PNLIPRP3: variants seen among roughly 807,000 people sequenced by gnomAD.
The protein encoded by PNLIPRP3 is pancreatic lipase related protein 3, also known as pancreatic lipase-related protein 3.
PNLIPRP3 carries 58 observed loss-of-function variants against 52.8 expected under a neutral mutation model. The observed-to-expected ratio is 1.10, with a 90% CI of 0.89 to 1.37. PNLIPRP3 has a LOEUF of 1.37. Ranked by LOEUF, PNLIPRP3 falls within the 40% of genes most tolerant of loss-of-function variation. PNLIPRP3 has a pLI of 0.00. For missense variants in PNLIPRP3, 593 were observed against 561.6 expected (o/e 1.06, Z -0.57); for synonymous variants, 192 against 185.0 (o/e 1.04, Z -0.31).
rs1589972107 is a variant in PNLIPRP3, at chr10:116,427,939, T to C, written c.-74T>C. ...CATCATTGTGAGGAAAACCACTTAGTATTTTATAGTGAGGTGACTTTACAA... is the reference window on the plus strand; with the variant it reads ...CATCATTGTGAGGAAAACCACTTAGCATTTTATAGTGAGGTGACTTTACAA... On this transcript the variant is annotated 5_prime_UTR_variant, in exon 1 of 12. Transcript: ENST00000369230. 2 of 1,127,478 alleles carry C rather than the reference T, an allele frequency of 1.8e-6. No homozygotes were observed. Among genetic ancestry groups the C allele is most frequent in the East Asian group, 4.7e-5 (2 of 42,246 alleles). The allele number at this position is 1,127,478 out of a possible 1,614,324, so 69.8% of individuals were successfully genotyped here.
chr10:116,446,538 A>C (rs559304160), intron 4 of PNLIPRP3, among the ~76,000 whole-genome samples: 8 of 152,172 alleles, frequency 5.3e-5, no homozygotes, highest in Non-Finnish European at 1.0e-4. Context: ...AAATGTATGC[A>C]AGTATAAATC....
rs146367454 is a variant in PNLIPRP3, at chr10:116,458,995, C to A, written c.566-1971C>A. 3.2e-3 allele frequency among the ~76,000 whole-genome samples: 493 copies of A among 152,212 alleles called. 2 individuals carry two copies. The highest frequency in any genetic ancestry group is 0.011 in the African/African-American group (466 of 41,536). The stretch of plus-strand genomic sequence containing the variant: ...ATCACTAGTGGCTTTTTGTGGAACT[C>A]TATCAGACATTTTGACTCTGTGTTT... On this transcript the variant is annotated intron_variant, in intron 5 of 11. Coordinates refer to ENST00000369230, the MANE Select transcript of PNLIPRP3 (RefSeq NM_001011709.3).
rs192441713 is a variant in PNLIPRP3, at chr10:116,442,633, G to C, written c.205-422G>C. Among the ~76,000 whole-genome samples the C allele has an allele frequency of 8.5e-3, 1,298 of 152,232 alleles. 26 individuals are homozygous for C. Among genetic ancestry groups the C allele is most frequent in the African/African-American group, 0.03 (1,243 of 41,532 alleles). On this transcript the variant is annotated intron_variant, in intron 2 of 11. Coordinates refer to ENST00000369230, the MANE Select transcript of PNLIPRP3 (RefSeq NM_001011709.3). Reference sequence around the variant, plus strand: ...AATCCCAGCAACTTGGGAGGCTGAGGTAGGAAGATCACTTGAGGCCAGGAG... The same window carrying C: ...AATCCCAGCAACTTGGGAGGCTGAGCTAGGAAGATCACTTGAGGCCAGGAG...
At chr10:116,452,760 G>A (rs1407929190) in intron 4 of PNLIPRP3, among the ~76,000 whole-genome samples, 1 of 152,248 alleles carries the variant, frequency 6.6e-6, no homozygotes, top group South Asian at 2.1e-4. Context: ...CAGAGTGCAA[G>A]TGTGAAGGAA....
intron 4 of PNLIPRP3, among the ~76,000 whole-genome samples, chr10:116,451,625 G>A (rs1846038911): frequency 6.6e-6 from 1 of 152,034 alleles, no homozygotes; most frequent in African/African-American, 2.4e-5. Context: ...AAAAGAGCAT[G>A]GTACCTCCCC....
intron 1 of PNLIPRP3, among the ~76,000 whole-genome samples, chr10:116,434,909 G>A (rs895505815): frequency 2.0e-5 from 3 of 151,962 alleles, no homozygotes; most frequent in Non-Finnish European, 4.4e-5. Context: ...ATTCTTCCAG[G>A]AAGAGAAAAA....
At chr10:116,465,579 C>A (rs183748356) in intron 7 of PNLIPRP3, among the ~76,000 whole-genome samples, 1 of 151,946 alleles carries the variant, frequency 6.6e-6, no homozygotes, top group Non-Finnish European at 1.5e-5. Flanking sequence ...AAACCTTGTT[C>A]AGAAAGAACC....
intron 3 of PNLIPRP3, 29 bp downstream of exon 3, chr10:116,443,203 C>T: frequency 1.3e-6 from 2 of 1,589,976 alleles, no homozygotes. Context: ...CCTTTTTACA[C>T]TAGCATGCGA....
chr10:116,439,995 G>A (rs1248427964), intron 2 of PNLIPRP3: 9 of 780,226 alleles, frequency 1.2e-5, no homozygotes, highest in Non-Finnish European at 2.1e-5. Flanking sequence ...GCACGAAGAA[G>A]GCATAAGCAG....
intron 4 of PNLIPRP3, among the ~76,000 whole-genome samples, chr10:116,445,564 A>AAT (rs1845937514): frequency 1.3e-5 from 2 of 151,758 alleles, no homozygotes; most frequent in Non-Finnish European, 2.9e-5. Context: ...TTTATAAAAA[A>AAT]AAAAAGCCAG....
Position 116,474,783 on chromosome 10 carries a change from TA to T in PNLIPRP3, c.1173-1865del, listed in dbSNP as rs553042822. Among the ~76,000 whole-genome samples, 16 of 152,250 alleles carry T rather than the reference TA, an allele frequency of 1.1e-4. No individual in the cohort carries two copies. In the South Asian group the frequency reaches 3.3e-3, roughly 32 times the overall value. On this transcript the variant is annotated intron_variant, in intron 10 of 11. Transcript: ENST00000369230. ...TCACACCAGTCAGAATGGCTATTATTAAAAGTCAAAAAATAACATGCTGGTG... is the reference window on the plus strand; with the variant it reads ...TCACACCAGTCAGAATGGCTATTATTAAAGTCAAAAAATAACATGCTGGTG...
chr10:116,467,083 T>C (rs1483073947), intron 8 of PNLIPRP3, among the ~76,000 whole-genome samples: 2 of 152,194 alleles, frequency 1.3e-5, no homozygotes, highest in East Asian at 3.9e-4. Flanking sequence ...TTGGAGTCTT[T>C]GTATATTTGG....
At chr10:116,428,834 T>C (rs1471839304) in intron 1 of PNLIPRP3, among the ~76,000 whole-genome samples, 8 of 152,174 alleles carry the variant, frequency 5.3e-5, no homozygotes. Context: ...TATCACGTAG[T>C]TGGTTGAGAT....
intron 2 of PNLIPRP3, among the ~76,000 whole-genome samples, chr10:116,442,769 C>T (rs879258087): frequency 9.2e-5 from 14 of 152,016 alleles, no homozygotes; most frequent in South Asian, 2.1e-4. Context: ...GAGGCTGAGG[C>T]GGCCAGATGG....
chr10:116,435,522 A>T (rs914195342), intron 1 of PNLIPRP3, among the ~76,000 whole-genome samples: 4 of 151,954 alleles, frequency 2.6e-5, no homozygotes, highest in African/African-American at 9.7e-5. Flanking sequence ...GACAAAGTGA[A>T]GAGTGGGATG....
chr10:116,442,164 C>A (rs1188194608), intron 2 of PNLIPRP3, among the ~76,000 whole-genome samples: 1 of 152,126 alleles, frequency 6.6e-6, no homozygotes, highest in East Asian at 1.9e-4. Context: ...TATACTTGTG[C>A]CTTTTATTGT....
rs567521945 is a variant in PNLIPRP3 at position 116,460,150 on chromosome 10, G to C, written c.566-816G>C. On this transcript the variant is annotated intron_variant, in intron 5 of 11. Coordinates refer to ENST00000369230, the MANE Select transcript of PNLIPRP3 (RefSeq NM_001011709.3). Reference sequence around the variant, plus strand: ...TTCTCTGTGCTTGGATAACACTTATGATCACCACTGCCTCTGCACGGAGGA... The same window carrying C: ...TTCTCTGTGCTTGGATAACACTTATCATCACCACTGCCTCTGCACGGAGGA... Among the ~76,000 whole-genome samples the C allele has an allele frequency of 6.6e-5, 10 of 152,256 alleles. No homozygotes were observed. In the South Asian group the frequency reaches 2.1e-3, roughly 32 times the overall value.
intron 2 of PNLIPRP3, 113 bp downstream of exon 2, chr10:116,436,978 T>G: frequency 9.1e-7 from 1 of 1,098,258 alleles, no homozygotes; most frequent in South Asian, 2.4e-5. Flanking sequence ...TTGACTTAAA[T>G]GCAAACATTT....
chr10:116,444,483 T>A lies in PNLIPRP3; in HGVS notation c.426T>A (p.Ala142=). 1 of 1,613,762 alleles carries A rather than the reference T, an allele frequency of 6.2e-7. No individual in the cohort carries two copies. Among genetic ancestry groups the A allele is most frequent in the Non-Finnish European group, 8.5e-7 (1 of 1,179,738 alleles). The change falls in exon 4 of 12, where the codon GCT becomes GCA. Residue 142 remains alanine, a synonymous_variant. Coordinates refer to ENST00000369230, the MANE Select transcript of PNLIPRP3 (RefSeq NM_001011709.3). ...HAVNNLRVVG[A]EVAYFIDVLM... ...TAAACAATCTCCGTGTTGTTGGTGC[T>A]GAGGTGGCTTATTTTATTGATGTTC...
Sources: gnomAD v4.1 joint callset for allele counts (sites outside exome capture counted in the v4.1 genomes callset) on GRCh38, gnomAD v4.1.1 for gene constraint, MANE v1.5 for transcripts, NCBI Gene and HGNC (gene_info 2026-07-23, HGNC 2026-07-21) for gene names.